Variants in TPO observed in about 807,000 individuals in gnomAD.
TPO encodes thyroid microsomal antigen.
Under a neutral mutation model 96.9 loss-of-function variants are expected in TPO, and 78 were observed. The observed-to-expected ratio is 0.81, with a 90% confidence interval of 0.67 to 0.97. The LOEUF is 0.97. Ranked by LOEUF, TPO falls within the 50% of genes least tolerant of loss-of-function variation. TPO has a pLI of 0.00. For synonymous variants in TPO, 547 were observed against 538.0 expected (o/e 1.02, Z -0.23); for missense variants, 1,252 against 1,274.8 (o/e 0.98, Z 0.27).
intron 7 of TPO, among the ~76,000 whole-genome samples, chr2:1,460,344 G>A (rs1415522616): frequency 6.6e-6 from 1 of 152,120 alleles, no homozygotes; most frequent in Non-Finnish European, 1.5e-5. Context: ...AGTCTGCCAA[G>A]CAGAGGCCCT....
At chr2:1,389,590 C>T (rs1470046926) in intron 1 of TPO, among the ~76,000 whole-genome samples, 2 of 152,050 alleles carry the variant, frequency 1.3e-5, no homozygotes, top group Non-Finnish European at 2.9e-5. Flanking sequence ...AATGTTAGTC[C>T]TTACCATGGT....
chr2:1,521,702 C>T (rs1161773058), intron 15 of TPO, among the ~76,000 whole-genome samples: 2 of 152,052 alleles, frequency 1.3e-5, no homozygotes, highest in African/African-American at 4.8e-5. Flanking sequence ...CATGGGGGAT[C>T]CGAACCTGTT....
At chr2:1,438,233 G>A (rs369121851) in intron 5 of TPO, among the ~76,000 whole-genome samples, 1 of 152,064 alleles carries the variant, frequency 6.6e-6, no homozygotes, top group African/African-American at 2.4e-5. Flanking sequence ...CTCTCTGAAT[G>A]GGTTTCATAC....
At chr2:1,406,070 C>G (rs1277286173) in intron 1 of TPO, among the ~76,000 whole-genome samples, 1 of 152,206 alleles carries the variant, frequency 6.6e-6, no homozygotes, top group Non-Finnish European at 1.5e-5. Flanking sequence ...CTGGTTCACC[C>G]TACTGTAACC....
Position 1,542,572 on chromosome 2 carries a change from CTG to C in TPO, c.*100_*101del, listed in dbSNP as rs1680884493. On this transcript the variant is annotated 3_prime_UTR_variant, in exon 17 of 17. Transcript: ENST00000329066. ...GGCAAATCCGAAATCAGCAGGACGA[CTG>C]TTTTCCCAACACGGGTAAATCTAGT... 6.3e-7 allele frequency: 1 copy of C among 1,577,840 alleles called. No individual in the cohort carries two copies. Among genetic ancestry groups the C allele is most frequent in the Non-Finnish European group, 8.6e-7 (1 of 1,160,960 alleles).
At chr2:1,529,182 C>G (rs1204006681) in intron 15 of TPO, among the ~76,000 whole-genome samples, 1 of 86,440 alleles carries the variant, frequency 1.2e-5, no homozygotes, top group Admixed American at 1.4e-4. Context: ...TGTGCAGCCT[C>G]TCCAAATCCC....
intron 3 of TPO, among the ~76,000 whole-genome samples, chr2:1,430,322 C>T (rs1459518793): frequency 6.6e-6 from 1 of 152,224 alleles, no homozygotes; most frequent in Non-Finnish European, 1.5e-5. Flanking sequence ...CGGTGTTCAG[C>T]CTTCAGGCTC....
intron 2 of TPO, among the ~76,000 whole-genome samples, chr2:1,422,410 G>A (rs1663848761): frequency 1.6e-5 from 1 of 61,332 alleles, no homozygotes; most frequent in South Asian, 6.4e-4. Flanking sequence ...TGGGGAGAGC[G>A]AGAGCCTGGT....
chr2:1,434,964 C>T (rs568519954), intron 4 of TPO, among the ~76,000 whole-genome samples: 1 of 152,112 alleles, frequency 6.6e-6, no homozygotes, highest in Non-Finnish European at 1.5e-5. Context: ...GATGAAGTCT[C>T]CCTCTGTCGC....
intron 7 of TPO, among the ~76,000 whole-genome samples, chr2:1,476,853 G>A (rs565962554): frequency 2.0e-5 from 3 of 150,518 alleles, no homozygotes; most frequent in South Asian, 2.1e-4. Context: ...AGCAGGCCAG[G>A]GGGGAGGTGG....
intron 2 of TPO, among the ~76,000 whole-genome samples, chr2:1,422,371 C>A (rs28910014): frequency 0.071 from 3,391 of 47,790 alleles, 130 homozygotes; most frequent in African/African-American, 0.21. Context: ...CGCGCTGGAC[C>A]GACCTCGTGC....
intron 9 of TPO, among the ~76,000 whole-genome samples, chr2:1,486,498 T>C (rs1198816377): frequency 6.6e-6 from 1 of 152,132 alleles, no homozygotes; most frequent in Non-Finnish European, 1.5e-5. Flanking sequence ...GATCTCACCA[T>C]TGCATTCCAG....
chr2:1,496,121 AT>A lies in TPO; in HGVS notation c.2141del (p.Phe714SerfsTer14). ...CCATGGATGCCTTCCAAGTCGGCAA[AT>A]TCCCCGAAGACTTTGAGTCTTGTGA... ...VPMDAFQVGK[F>X]PEDFESCDSI... On this transcript the variant is annotated frameshift_variant, in exon 12 of 17. Transcript: ENST00000329066. LOFTEE classifies it high-confidence loss of function. The A allele has an allele frequency of 9.9e-6, 16 of 1,614,058 alleles. No individual in the cohort carries two copies. Among genetic ancestry groups the A allele is most frequent in the Non-Finnish European group, 1.4e-5 (16 of 1,180,004 alleles).
At chr2:1,529,310 ACT>A in intron 15 of TPO, among the ~76,000 whole-genome samples, 1 of 42,050 alleles carries the variant, frequency 2.4e-5, no homozygotes, top group Non-Finnish European at 4.2e-5. Context: ...AAATCCCCCC[ACT>A]GTGTGCAACG....
At chr2:1,382,388 T>A (rs1661823887) in intron 1 of TPO, among the ~76,000 whole-genome samples, 1 of 152,156 alleles carries the variant, frequency 6.6e-6, no homozygotes, top group Non-Finnish European at 1.5e-5. Flanking sequence ...AAGGCCACTA[T>A]GGAAGCAGAG....
At chr2:1,479,979 G>T (rs985245970) in intron 8 of TPO, among the ~76,000 whole-genome samples, 6 of 152,076 alleles carry the variant, frequency 3.9e-5, no homozygotes, top group Non-Finnish European at 8.8e-5. Flanking sequence ...ATGGGGTTTT[G>T]CCATGTTGGC....
intron 7 of TPO, among the ~76,000 whole-genome samples, chr2:1,471,441 C>A (rs530591592): frequency 2.5e-5 from 3 of 120,830 alleles, no homozygotes; most frequent in South Asian, 2.4e-4. Context: ...TTTCCTGTGA[C>A]CCCCCCCCAC....
intron 8 of TPO, chr2:1,478,238 A>G: frequency 1.0e-6 from 1 of 985,398 alleles, no homozygotes; most frequent in Non-Finnish European, 1.2e-6. Flanking sequence ...TGTGATGGAG[A>G]AAAGCACTTA....
chr2:1,480,738 T>TCATCCGTCCACACCACCTCCCTC (rs1558338737), intron 8 of TPO, among the ~76,000 whole-genome samples: 1 of 56,308 alleles, frequency 1.8e-5, no homozygotes, highest in African/African-American at 5.1e-5. Context: ...AAACCATGTT[T>TCATCCGTCCACACCACCTCCCTC]CTCCTGCTGC....
Sources: gnomAD v4.1 joint callset for allele counts (sites outside exome capture counted in the v4.1 genomes callset) on GRCh38, gnomAD v4.1.1 for gene constraint, MANE v1.5 for transcripts, NCBI Gene and HGNC (gene_info 2026-07-23, HGNC 2026-07-21) for gene names.